The following GPHN variants were observed in gnomAD, a reference collection of about 807,000 sequenced individuals.
The protein encoded by GPHN is gephyrin.
Under a neutral mutation model 95.5 loss-of-function variants are expected in GPHN, and 17 were observed. The ratio of observed to expected loss-of-function variants is 0.18; its 90% confidence interval spans 0.12 to 0.27. The LOEUF (loss-of-function observed/expected upper bound fraction) is 0.27. GPHN is among the 10% of genes least tolerant of loss of function. The probability of loss-of-function intolerance (pLI) is 1.00; values close to 1 mark genes in which losing one functional copy is unlikely to be tolerated. For synonymous variants in GPHN, 320 were observed against 322.5 expected, an observed-to-expected ratio of 0.99 and a Z score of 0.08; for missense variants, 660 against 978.1, an observed-to-expected ratio of 0.67 and a Z score of 4.34.
At chr14:67,158,888 T>A (rs1339382766) in intron 18 of GPHN, among the ~76,000 whole-genome samples, 1 of 152,204 alleles carries the variant, frequency 6.6e-6, no homozygotes, top group Non-Finnish European at 1.5e-5. Flanking sequence ...CAAATCTAAG[T>A]AATCTGTGGG....
At chr14:67,153,331 A>C (rs1382058017) in intron 18 of GPHN, among the ~76,000 whole-genome samples, 3 of 152,136 alleles carry the variant, frequency 2.0e-5, no homozygotes, top group Admixed American at 1.3e-4. Context: ...TATTTCTCAT[A>C]ATTCTGAAGG....
the GPHN span, among the ~76,000 whole-genome samples, chr14:67,680,657 T>C: frequency 1.3e-5 from 2 of 151,996 alleles, no homozygotes; most frequent in South Asian, 2.1e-4. Context: ...TGGGGTCTCA[T>C]TATGTTGCCT....
At chr14:67,089,447 T>A (rs2153668961) in intron 12 of GPHN, among the ~76,000 whole-genome samples, 1 of 152,316 alleles carries the variant, frequency 6.6e-6, no homozygotes, top group Non-Finnish European at 1.5e-5. Context: ...AAATGTGGTA[T>A]CTGTCACATC....
chr14:66,613,696 GGATA>G (rs1288288511), intron 1 of GPHN, among the ~76,000 whole-genome samples: 1 of 151,638 alleles, frequency 6.6e-6, no homozygotes, highest in Non-Finnish European at 1.5e-5. Flanking sequence ...TATTTTTCTT[GGATA>G]GATATTAGTA....
chr14:66,654,414 C>T (rs1428588908), intron 1 of GPHN, among the ~76,000 whole-genome samples: 1 of 152,154 alleles, frequency 6.6e-6, no homozygotes, highest in Non-Finnish European at 1.5e-5. Flanking sequence ...TTTTAATTTA[C>T]ATTTTCCTAA....
intron 8 of GPHN, among the ~76,000 whole-genome samples, chr14:66,964,976 A>T (rs1036550685): frequency 5.3e-5 from 8 of 152,170 alleles, no homozygotes; most frequent in African/African-American, 1.9e-4. Context: ...CTCTCATATT[A>T]AAAAGTTTTA....
At chr14:67,347,511 TTTTTTC>T in the GPHN span, 10 of 1,482,480 alleles carry the variant, frequency 6.7e-6, no homozygotes, top group African/African-American at 4.4e-5. Context: ...TCTTTTTTTT[TTTTTTC>T]TGAGACGGAG....
At chr14:66,933,376 G>A (rs1567119793) in intron 8 of GPHN, among the ~76,000 whole-genome samples, 1 of 152,184 alleles carries the variant, frequency 6.6e-6, no homozygotes, top group Non-Finnish European at 1.5e-5. Context: ...ACCTCTATGT[G>A]AGAACAGTCA....
At chr14:66,525,338 G>A (rs907960890) in intron 1 of GPHN, among the ~76,000 whole-genome samples, 3 of 151,760 alleles carry the variant, frequency 2.0e-5, no homozygotes, top group Non-Finnish European at 4.4e-5. Context: ...CTTTTTGGTG[G>A]GGTTGTTTTT....
intron 3 of GPHN, among the ~76,000 whole-genome samples, chr14:66,780,839 C>T (rs991126703): frequency 4.6e-5 from 7 of 152,120 alleles, no homozygotes; most frequent in African/African-American, 1.7e-4. Flanking sequence ...GTGAAGCATA[C>T]GGATGTAATG....
chr14:66,632,237 A>T (rs2063845799), intron 1 of GPHN, among the ~76,000 whole-genome samples: 1 of 152,172 alleles, frequency 6.6e-6, no homozygotes, highest in Admixed American at 6.5e-5. Context: ...TCTCTTAGCA[A>T]ATGATAGTTC....
At chr14:67,548,158 T>C in the GPHN span, among the ~76,000 whole-genome samples, 2 of 152,224 alleles carry the variant, frequency 1.3e-5, no homozygotes, top group Non-Finnish European at 2.9e-5. Flanking sequence ...ATTTAAAAAT[T>C]GATACTGTTC....
At chr14:66,961,025 G>C (rs1243011376) in intron 8 of GPHN, among the ~76,000 whole-genome samples, 1 of 152,054 alleles carries the variant, frequency 6.6e-6, no homozygotes, top group Non-Finnish European at 1.5e-5. Flanking sequence ...GGAATATTCT[G>C]AGTTAAGTGA....
intron 8 of GPHN, among the ~76,000 whole-genome samples, chr14:66,962,331 G>T: frequency 6.7e-6 from 1 of 148,304 alleles, no homozygotes; most frequent in African/African-American, 2.5e-5. Flanking sequence ...AGCATAGGCA[G>T]TTTTTGTTTT....
At chr14:67,043,027 CTGTT>C (rs1325064473) in intron 10 of GPHN, among the ~76,000 whole-genome samples, 8 of 152,280 alleles carry the variant, frequency 5.3e-5, no homozygotes, top group Admixed American at 3.3e-4. Flanking sequence ...ATTTGGCTCT[CTGTT>C]TGTCTGTTAT....
chr14:67,728,708 G>GC, the GPHN span, among the ~76,000 whole-genome samples: 1 of 151,116 alleles, frequency 6.6e-6, no homozygotes, highest in Non-Finnish European at 1.5e-5. Context: ...TCTTGTGGGG[G>GC]GGGGGTGTTA....
the GPHN span, among the ~76,000 whole-genome samples, chr14:67,646,295 C>T: frequency 6.6e-6 from 1 of 152,158 alleles, no homozygotes; most frequent in Admixed American, 6.5e-5. Flanking sequence ...GAGATGGCAA[C>T]CAGGTTATGC....
At chr14:66,558,249 G>C (rs1194710136) in intron 1 of GPHN, among the ~76,000 whole-genome samples, 5 of 152,062 alleles carry the variant, frequency 3.3e-5, no homozygotes, top group Non-Finnish European at 7.4e-5. Context: ...AGGAACTATA[G>C]CATCATGATA....
intron 9 of GPHN, among the ~76,000 whole-genome samples, chr14:67,022,457 A>G (rs2073677858): frequency 1.3e-5 from 2 of 151,446 alleles, no homozygotes; most frequent in African/African-American, 4.8e-5. Context: ...TTATCTTCAG[A>G]CTAGCTTTTT....
Sources: allele counts gnomAD v4.1 joint callset (sites outside exome capture counted in the v4.1 genomes callset), GRCh38; gene constraint gnomAD v4.1.1; transcripts MANE v1.5; gene names NCBI Gene and HGNC (gene_info 2026-07-23, HGNC 2026-07-21).